MTHFS: variants seen among roughly 807,000 people sequenced by gnomAD.
MTHFS encodes the protein methenyltetrahydrofolate synthetase.
MTHFS carries 7 observed loss-of-function variants against 12.7 expected under a neutral mutation model. That is an observed-to-expected ratio of 0.55 (90% CI 0.31 to 1.03). The LOEUF (loss-of-function observed/expected upper bound fraction) is 1.03, where lower values mean the gene tolerates loss of function less well. Among genes scored for constraint, MTHFS ranks in the 50% least tolerant of loss-of-function variants. MTHFS has a pLI of 0.05. For missense variants in MTHFS, 252 were observed against 258.1 expected (o/e 0.98, Z 0.16); for synonymous variants, 100 against 97.1 (o/e 1.03, Z -0.18).
At chr15:79,848,495 T>C (rs1306233596) in intron 2 of MTHFS, among the ~76,000 whole-genome samples, 4 of 150,930 alleles carry the variant, frequency 2.7e-5, no homozygotes, top group Non-Finnish European at 3.0e-5. Context: ...TCTCACATTA[T>C]ATGTTATTTA....
chr15:79,862,070 C>CT (rs149336388), intron 2 of MTHFS, among the ~76,000 whole-genome samples: 28 of 148,342 alleles, frequency 1.9e-4, no homozygotes, highest in South Asian at 6.4e-4. Context: ...TACTGTTTGG[C>CT]TTTTTTTTTT....
At chr15:79,880,645 T>A (rs1365055897) in intron 2 of MTHFS, among the ~76,000 whole-genome samples, 1 of 152,076 alleles carries the variant, frequency 6.6e-6, no homozygotes, top group Non-Finnish European at 1.5e-5. Context: ...ACTATTTATA[T>A]GTTTCTCTAA....
intron 2 of MTHFS, among the ~76,000 whole-genome samples, chr15:79,888,559 C>T (rs1036258241): frequency 1.3e-5 from 2 of 152,202 alleles, no homozygotes; most frequent in Non-Finnish European, 2.9e-5. Flanking sequence ...GCAGTAGTAG[C>T]AGTGGGTTGG....
At chr15:79,889,486 C>G in intron 1 of MTHFS, 132 bp from the exon 2 acceptor site, 1 of 1,347,886 alleles carries the variant, frequency 7.4e-7, no homozygotes, top group South Asian at 1.5e-5. Flanking sequence ...GGGGGGGGAC[C>G]AGAGTGATAT....
chr15:79,846,530 A>G (rs1303527047), intron 2 of MTHFS, among the ~76,000 whole-genome samples: 2 of 152,216 alleles, frequency 1.3e-5, no homozygotes, highest in African/African-American at 4.8e-5. Flanking sequence ...ATCAGCAGAT[A>G]TTCTGACTAC....
At chr15:79,850,009 G>A (rs1341018373) in intron 2 of MTHFS, among the ~76,000 whole-genome samples, 1 of 152,236 alleles carries the variant, frequency 6.6e-6, no homozygotes, top group African/African-American at 2.4e-5. Context: ...AGGGGCATGG[G>A]CCCTCAGGCT....
At chr15:79,868,837 G>A (rs988443215) in intron 2 of MTHFS, among the ~76,000 whole-genome samples, 3 of 152,172 alleles carry the variant, frequency 2.0e-5, no homozygotes, top group African/African-American at 7.2e-5. Context: ...ACAATCACAT[G>A]AGCAAATTCA....
At chr15:79,858,917 T>C (rs2033859040) in intron 2 of MTHFS, among the ~76,000 whole-genome samples, 1 of 152,224 alleles carries the variant, frequency 6.6e-6, no homozygotes, top group Non-Finnish European at 1.5e-5. Context: ...CTTTCCTATA[T>C]GACAAAAATA....
At chr15:79,896,475 C>A (rs766170211) in intron 1 of MTHFS, among the ~76,000 whole-genome samples, 1 of 152,208 alleles carries the variant, frequency 6.6e-6, no homozygotes, top group South Asian at 2.1e-4. Context: ...GGAACCTGGG[C>A]ACTCAGGTGT....
intron 2 of MTHFS, among the ~76,000 whole-genome samples, chr15:79,869,860 C>T (rs375490636): frequency 6.2e-4 from 95 of 152,134 alleles, no homozygotes; most frequent in African/African-American, 2.3e-3. Context: ...CGGTTATAAA[C>T]CCAAATGATT....
chr15:79,849,852 T>G (rs748754723), intron 2 of MTHFS, among the ~76,000 whole-genome samples: 1 of 152,250 alleles, frequency 6.6e-6, no homozygotes, highest in Non-Finnish European at 1.5e-5. Context: ...AATGTGATCT[T>G]GCATTCCAAA....
chr15:79,850,261 C>A (rs2033690459), intron 2 of MTHFS, among the ~76,000 whole-genome samples: 1 of 152,124 alleles, frequency 6.6e-6, no homozygotes, highest in African/African-American at 2.4e-5. Context: ...TATTTTTTGA[C>A]CAGAGCTTTT....
chr15:79,879,727 T>C (rs1362532497), intron 2 of MTHFS, among the ~76,000 whole-genome samples: 1 of 152,168 alleles, frequency 6.6e-6, no homozygotes, highest in African/African-American at 2.4e-5. Flanking sequence ...TTTCAAACAT[T>C]TTAGAAACTC....
chr15:79,850,323 A>G (rs1205648906), intron 2 of MTHFS, among the ~76,000 whole-genome samples: 3 of 152,226 alleles, frequency 2.0e-5, no homozygotes, highest in Non-Finnish European at 2.9e-5. Flanking sequence ...AAAGGGGTTC[A>G]GCAGAGCCAA....
In MTHFS at chr15:79,852,385, A is replaced by C. The variant is rs145390114; in HGVS notation, c.380-6943T>G. On this transcript the variant is annotated intron_variant, in intron 2 of 2. Transcript: ENST00000258874. The stretch of plus-strand genomic sequence containing the variant: ...TATATACAAAAATTGGGTTTTTAAA[A>C]AACATGGTTCCCTGCAAATCTATAA... Among the ~76,000 whole-genome samples the C allele has an allele frequency of 9.3e-3, 1,424 of 152,358 alleles. 20 individuals carry two copies. The highest frequency in any genetic ancestry group is 0.012 in the Non-Finnish European group (837 of 68,034).
intron 2 of MTHFS, among the ~76,000 whole-genome samples, chr15:79,860,259 G>T (rs1180375623): frequency 6.6e-6 from 1 of 151,808 alleles, no homozygotes; most frequent in East Asian, 1.9e-4. Flanking sequence ...TGTGGTGTCG[G>T]GTGCCTGTTG....
chr15:79,868,948 C>T (rs1419256110), intron 2 of MTHFS, among the ~76,000 whole-genome samples: 3 of 152,008 alleles, frequency 2.0e-5, no homozygotes, highest in Non-Finnish European at 4.4e-5. Context: ...TCTGACTATA[C>T]ACTAGGTGCA....
chr15:79,871,528 C>A (rs2034105137), intron 2 of MTHFS, among the ~76,000 whole-genome samples: 1 of 151,114 alleles, frequency 6.6e-6, no homozygotes, highest in Non-Finnish European at 1.5e-5. Context: ...GAATTCAAGA[C>A]AAAGGGATTT....
At chr15:79,889,563 C>A (rs1400249974) in intron 1 of MTHFS, among the ~76,000 whole-genome samples, 2 of 152,100 alleles carry the variant, frequency 1.3e-5, no homozygotes, top group East Asian at 3.9e-4. Context: ...TTACCTGCTC[C>A]TTTTATCCCT....
Sources: allele counts gnomAD v4.1 joint callset (sites outside exome capture counted in the v4.1 genomes callset), GRCh38; gene constraint gnomAD v4.1.1; transcripts MANE v1.5; gene names NCBI Gene and HGNC (gene_info 2026-07-23, HGNC 2026-07-21).